SERPINA1: variants seen among roughly 807,000 people sequenced by gnomAD.
SERPINA1 encodes the protein serpin family A member 1, also known as alpha-1-antitrypsin.
SERPINA1 carries 21 observed loss-of-function variants against 25.4 expected under a neutral mutation model. The ratio of observed to expected loss-of-function variants is 0.83; its 90% confidence interval spans 0.59 to 1.19. SERPINA1 has a LOEUF of 1.19. Among genes scored for constraint, SERPINA1 ranks in the 50% most tolerant of loss-of-function variants. The pLI is 0.00. For synonymous variants in SERPINA1, 218 were observed against 211.1 expected, an observed-to-expected ratio of 1.03 and a Z score of -0.29; for missense variants, 546 against 509.0, an observed-to-expected ratio of 1.07 and a Z score of -0.70.
upstream of SERPINA1, chr14:94,389,537 G>C (rs1897546058): frequency 6.6e-6 from 1 of 152,186 alleles, no homozygotes; most frequent in Non-Finnish European, 1.5e-5. Flanking sequence ...CCCCACTCTG[G>C]GGTTGTTGGA....
chr14:94,378,075 G>T lies in SERPINA1; in HGVS notation c.*374C>A. 4.1e-6 allele frequency: 1 copy of T among 241,928 alleles called. No homozygotes were observed. The highest frequency in any genetic ancestry group is 7.1e-5 in the South Asian group (1 of 14,038). 15.0% of individuals were successfully genotyped at this position (241,928 alleles called of 1,614,324 possible). ...CAGGGGGACATGAAGATGCTTGGTG[G>T]AGCCTGGGGTCATGGCTGGTATCTG... On this transcript the variant is annotated 3_prime_UTR_variant, in exon 5 of 5. Transcript: ENST00000393087.
At chr14:94,387,980 G>A (rs1897391618) in intron 1 of SERPINA1, among the ~76,000 whole-genome samples, 1 of 152,152 alleles carries the variant, frequency 6.6e-6, no homozygotes, top group Non-Finnish European at 1.5e-5. Context: ...CGGTGCATGG[G>A]GAGGCCCATT....
In SERPINA1 at chr14:94,378,364, A is replaced by G; in HGVS notation, c.*85T>C. 8.6e-7 allele frequency: 1 copy of G among 1,161,950 alleles called. No homozygotes were observed. Among genetic ancestry groups the G allele is most frequent in the South Asian group, 1.3e-5 (1 of 79,924 alleles). The allele number at this position is 1,161,950 out of a possible 1,614,324, so 72.0% of individuals were successfully genotyped here. On this transcript the variant is annotated 3_prime_UTR_variant, in exon 5 of 5. Coordinates refer to ENST00000393087, the MANE Select transcript of SERPINA1 (RefSeq NM_000295.5). Reference sequence around the variant, plus strand: ...ATGGGAGGGATTTACAGTCACATGCAGGCAGGGACCAGCTCAACCCTTCTT... The same window carrying G: ...ATGGGAGGGATTTACAGTCACATGCGGGCAGGGACCAGCTCAACCCTTCTT...
At chr14:94,381,213 C>G in intron 2 of SERPINA1, 72 bp from the exon 3 acceptor site, 5 of 1,474,074 alleles carry the variant, frequency 3.4e-6, no homozygotes, top group Non-Finnish European at 4.6e-6. Context: ...AATAAAGAAA[C>G]CATGAGTCCC....
At chr14:94,384,999 G>A (rs1327598251) in intron 1 of SERPINA1, among the ~76,000 whole-genome samples, 3 of 152,174 alleles carry the variant, frequency 2.0e-5, no homozygotes, top group Non-Finnish European at 2.9e-5. Flanking sequence ...AACTAAAGAC[G>A]GTGCTAAAAT....
At chr14:94,383,779 C>G (rs1383540484) in intron 1 of SERPINA1, 1 of 161,288 alleles carries the variant, frequency 6.2e-6, no homozygotes, top group Admixed American at 5.8e-5. Flanking sequence ...GCTGGAAGCC[C>G]TTGGAGGGCT....
intron 1 of SERPINA1, among the ~76,000 whole-genome samples, chr14:94,387,514 G>A (rs1017745273): frequency 2.0e-5 from 3 of 152,168 alleles, no homozygotes; most frequent in African/African-American, 4.8e-5. Flanking sequence ...GATCAAGGTC[G>A]GGTGGGGTGA....
chr14:94,379,009 C>T, intron 4 of SERPINA1: 1 of 532,562 alleles, frequency 1.9e-6, no homozygotes, highest in South Asian at 2.3e-5. Flanking sequence ...CAAGATAATG[C>T]AGCCATTCAT....
chr14:94,380,784 C>T lies in SERPINA1; in HGVS notation c.917+87G>A, dbSNP rs1030328589. The T allele has an allele frequency of 3.8e-6, 6 of 1,562,084 alleles. No individual in the cohort carries two copies. The South Asian group carries it at 6.7e-5, about 17-fold the overall frequency. On this transcript the variant is annotated intron_variant, in intron 3 of 4. Coordinates refer to ENST00000393087, the MANE Select transcript of SERPINA1 (RefSeq NM_000295.5). ...GGGATGTGGGGTTCACCCTCCTCAG[C>T]CCTCTGGCCAGTCCTGATGGGCCTC...
At chr14:94,387,342 C>T (rs3748317) in intron 1 of SERPINA1, among the ~76,000 whole-genome samples, 1 of 152,068 alleles carries the variant, frequency 6.6e-6, no homozygotes, top group Non-Finnish European at 1.5e-5. Flanking sequence ...CCAAGAAGTG[C>T]CTGCTGCGCA....
chr14:94,383,411 G>A (rs139210625), intron 1 of SERPINA1, 170 bp from the exon 2 acceptor site: 54 of 673,520 alleles, frequency 8.0e-5, no homozygotes, highest in Non-Finnish European at 1.2e-4. Flanking sequence ...CAAAATGTAC[G>A]TAGTGCTTAC....
chr14:94,387,455 G>A (rs1394336656), intron 1 of SERPINA1, among the ~76,000 whole-genome samples: 1 of 152,190 alleles, frequency 6.6e-6, no homozygotes, highest in Non-Finnish European at 1.5e-5. Context: ...TTTTTGACCT[G>A]TCTCCAAAAC....
chr14:94,389,012 T>C (rs1487248485), upstream of SERPINA1: 1 of 152,292 alleles, frequency 6.6e-6, no homozygotes, highest in Non-Finnish European at 1.5e-5. Context: ...ACTGCCGCCC[T>C]GGGAGATCAG....
intron 1 of SERPINA1, among the ~76,000 whole-genome samples, chr14:94,385,957 C>G (rs930174749): frequency 6.6e-6 from 1 of 152,216 alleles, no homozygotes; most frequent in African/African-American, 2.4e-5. Context: ...TCCCAGCACT[C>G]AGATCATGAA....
At chr14:94,382,057 T>C (rs1896965826) in intron 2 of SERPINA1, among the ~76,000 whole-genome samples, 1 of 152,298 alleles carries the variant, frequency 6.6e-6, no homozygotes, top group African/African-American at 2.4e-5. Flanking sequence ...CCCACAGTCT[T>C]TGTCATTTGT....
At chr14:94,383,340 T>G (rs1897097783) in intron 1 of SERPINA1, 99 bp from the exon 2 acceptor site, 1 of 1,314,034 alleles carries the variant, frequency 7.6e-7, no homozygotes, top group Non-Finnish European at 1.1e-6. Flanking sequence ...TAGGGATTAT[T>G]AAACCAGCCT....
intron 4 of SERPINA1, 114 bp downstream of exon 4, chr14:94,379,349 TG>T: frequency 6.9e-7 from 1 of 1,454,178 alleles, no homozygotes; most frequent in Non-Finnish European, 9.6e-7. Context: ...GAGCTCAGCC[TG>T]GGTCTTCATT....
In SERPINA1 at chr14:94,378,204, C is replaced by G. The variant is rs987004115; in HGVS notation, c.*245G>C. ...CAGGTCCGTAAGCTGAGGATTCAGT[C>G]CCCCCTGGATTCAAGCCCAGCATGT... On this transcript the variant is annotated 3_prime_UTR_variant, in exon 5 of 5. Transcript: ENST00000393087. 19 of 577,096 alleles carry G rather than the reference C, an allele frequency of 3.3e-5. No homozygotes were observed. The highest frequency in any genetic ancestry group is 9.1e-5 in the Admixed American group (3 of 33,074). The allele number at this position is 577,096 out of a possible 1,614,324, so 35.7% of individuals were successfully genotyped here.
chr14:94,379,717 C>G (rs1440973173), intron 3 of SERPINA1, 106 bp from the exon 4 acceptor site: 1 of 1,449,150 alleles, frequency 6.9e-7, no homozygotes, highest in Non-Finnish European at 9.5e-7. Flanking sequence ...CTGCCACTTA[C>G]TCCTGTGTCC....
Sources: allele counts gnomAD v4.1 joint callset (sites outside exome capture counted in the v4.1 genomes callset), GRCh38; gene constraint gnomAD v4.1.1; transcripts MANE v1.5; gene names NCBI Gene and HGNC (gene_info 2026-07-23, HGNC 2026-07-21).